The following SWAP70 variants were observed in gnomAD, a reference collection of about 807,000 sequenced individuals.
The protein encoded by SWAP70 is switching B cell complex subunit SWAP70.
A neutral mutation model predicts 80.2 loss-of-function variants in SWAP70; 34 were observed. The observed-to-expected ratio is 0.42, with a 90% CI of 0.32 to 0.56. The LOEUF (loss-of-function observed/expected upper bound fraction) is 0.56, where lower values mean the gene tolerates loss of function less well. Ranked by LOEUF, SWAP70 falls within the 20% of genes least tolerant of loss-of-function variation. SWAP70 has a pLI of 0.09. For missense variants in SWAP70, 578 were observed against 690.7 expected, an observed-to-expected ratio of 0.84 and a Z score of 1.83; for synonymous variants, 239 against 238.5, an observed-to-expected ratio of 1.00 and a Z score of -0.02.
chr11:9,675,603 C>A (rs1482497299), intron 1 of SWAP70, among the ~76,000 whole-genome samples: 1 of 151,866 alleles, frequency 6.6e-6, no homozygotes, highest in Admixed American at 6.6e-5. Flanking sequence ...TAAATAAGGT[C>A]ATTGCAGGTC....
chr11:9,672,530 ATTTTTT>A (rs58704706), intron 1 of SWAP70, among the ~76,000 whole-genome samples: 4 of 88,398 alleles, frequency 4.5e-5, no homozygotes, highest in Admixed American at 1.4e-4. Flanking sequence ...CACCTGGCTA[ATTTTTT>A]TTTTTTTTTT....
chr11:9,668,814 T>A (rs1405171675), intron 1 of SWAP70, among the ~76,000 whole-genome samples: 1 of 152,228 alleles, frequency 6.6e-6, no homozygotes, highest in East Asian at 1.9e-4. Flanking sequence ...CTTTTTGAGT[T>A]ATCTTCACAA....
chr11:9,690,813 T>C (rs1447724798), intron 1 of SWAP70, among the ~76,000 whole-genome samples: 1 of 152,190 alleles, frequency 6.6e-6, no homozygotes, highest in Non-Finnish European at 1.5e-5. Context: ...TAAAAAGTTT[T>C]AAAGATAGTA....
chr11:9,687,405 A>C (rs1490422275), intron 1 of SWAP70, among the ~76,000 whole-genome samples: 2 of 152,182 alleles, frequency 1.3e-5, no homozygotes, highest in Non-Finnish European at 2.9e-5. Flanking sequence ...ATTAGTGATT[A>C]GTTTCTTTTG....
At chr11:9,673,940 C>A (rs1221558283) in intron 1 of SWAP70, among the ~76,000 whole-genome samples, 3 of 152,136 alleles carry the variant, frequency 2.0e-5, no homozygotes, top group Non-Finnish European at 2.9e-5. Flanking sequence ...CGCTCTGTCG[C>A]CCAGGCTGGA....
intron 1 of SWAP70, among the ~76,000 whole-genome samples, chr11:9,686,521 G>A (rs1336532380): frequency 1.3e-5 from 2 of 151,566 alleles, no homozygotes; most frequent in African/African-American, 4.9e-5. Flanking sequence ...GCTAATTTTT[G>A]TATTTTTTGT....
At position 9,740,364 on chromosome 11, in the gene SWAP70, C is replaced by T. The variant is rs1194472121; in HGVS notation, c.1355+17C>T. On this transcript the variant is annotated intron_variant, in intron 9 of 11. Coordinates refer to ENST00000318950, the MANE Select transcript of SWAP70 (RefSeq NM_015055.4). ...TCAGGCCAGGTGCCAGATTTGTTTG[C>T]AGACTTTGCCTTTATGTACTTTGCC... is the stretch of plus-strand genomic sequence containing the variant. 3.7e-6 allele frequency: 6 copies of T among 1,613,784 alleles called. No homozygotes were observed. Among genetic ancestry groups the T allele is most frequent in the Non-Finnish European group, 4.2e-6 (5 of 1,179,774 alleles).
intron 1 of SWAP70, among the ~76,000 whole-genome samples, chr11:9,667,912 G>C (rs749790802): frequency 6.6e-6 from 1 of 151,118 alleles, no homozygotes; most frequent in Non-Finnish European, 1.5e-5. Flanking sequence ...TTTTTGAGAC[G>C]GAGTGTCGCT....
intron 9 of SWAP70, among the ~76,000 whole-genome samples, chr11:9,745,032 A>G (rs1190739695): frequency 6.6e-6 from 1 of 152,166 alleles, no homozygotes; most frequent in African/African-American, 2.4e-5. Context: ...ATTCCCAGCA[A>G]CTCGTACCTG....
rs138976480 is a variant in SWAP70 at position 9,740,539 on chromosome 11, G to T, written c.1355+192G>T. 9.5e-6 allele frequency: 6 copies of T among 632,682 alleles called. No homozygotes were observed. The African/African-American group carries it at 1.1e-4, about 12-fold the overall frequency. 39.2% of individuals were successfully genotyped at this position (632,682 alleles called of 1,614,324 possible). On this transcript the variant is annotated intron_variant, in intron 9 of 11. Transcript: ENST00000318950. The stretch of plus-strand genomic sequence containing the variant: ...GGAGTGTTTCTTTTCATTCTGAGGC[G>T]CTGGGAAACCCTTGCTTCTGGGGCT...
At chr11:9,747,823 C>T (rs1276163264) in intron 9 of SWAP70, 35 bp from the exon 10 acceptor site, 10 of 1,607,624 alleles carry the variant, frequency 6.2e-6, no homozygotes, top group Non-Finnish European at 7.7e-6. Flanking sequence ...GTGACCTGGG[C>T]AGGATTTGAT....
chr11:9,722,213 C>T (rs1173308236), intron 3 of SWAP70, among the ~76,000 whole-genome samples: 1 of 150,622 alleles, frequency 6.6e-6, no homozygotes, highest in African/African-American at 2.4e-5. Flanking sequence ...TTATTATGCC[C>T]ATTTCATAGA....
chr11:9,712,020 C>T (rs567364794), intron 2 of SWAP70, among the ~76,000 whole-genome samples: 3 of 152,164 alleles, frequency 2.0e-5, no homozygotes, highest in Non-Finnish European at 4.4e-5. Flanking sequence ...TTATCCCATT[C>T]TTGATCTGTT....
intron 9 of SWAP70, among the ~76,000 whole-genome samples, chr11:9,746,267 T>G (rs187606105): frequency 1.3e-5 from 2 of 152,232 alleles, no homozygotes; most frequent in African/African-American, 4.8e-5. Flanking sequence ...CTACCTTCCA[T>G]CAAGTCTTCT....
chr11:9,697,732 G>A (rs1850776513), intron 2 of SWAP70, among the ~76,000 whole-genome samples: 1 of 151,944 alleles, frequency 6.6e-6, no homozygotes, highest in Non-Finnish European at 1.5e-5. Flanking sequence ...ATCTTTCTTT[G>A]TGTGTATGCA....
chr11:9,740,331 C>G lies in SWAP70; in HGVS notation c.1339C>G (p.Arg447Gly). The G allele has an allele frequency of 6.2e-7, 1 of 1,614,136 alleles. No homozygotes were observed. The highest frequency in any genetic ancestry group is 8.5e-7 in the Non-Finnish European group (1 of 1,179,996). ...RQARQDEETV[R>G]KLQARLLEEE... is the part of the protein sequence containing the mutation. ...GGCCCGGCAAGATGAAGAGACAGTG[C>G]GGAAGCTTCAGGCCAGGTGCCAGAT... Residue 447 changes from arginine (R) to glycine (G), a missense_variant, in exon 9 of 12, where the codon CGG (arginine) becomes GGG (glycine). Transcript: ENST00000318950.
At chr11:9,737,622 G>C (rs1013333271) in intron 7 of SWAP70, among the ~76,000 whole-genome samples, 3 of 152,196 alleles carry the variant, frequency 2.0e-5, no homozygotes, top group Non-Finnish European at 4.4e-5. Flanking sequence ...ATGTGGCTGG[G>C]CATGGTGGCT....
chr11:9,733,105 C>G (rs1851321422), intron 7 of SWAP70, among the ~76,000 whole-genome samples: 1 of 152,006 alleles, frequency 6.6e-6, no homozygotes, highest in South Asian at 2.1e-4. Context: ...CTTGGAAGAC[C>G]CTTACTTTAG....
chr11:9,732,390 T>C, intron 6 of SWAP70, 139 bp from the exon 7 acceptor site: 2 of 873,788 alleles, frequency 2.3e-6, no homozygotes, highest in Non-Finnish European at 3.6e-6. Flanking sequence ...CACACCACTA[T>C]GGAGTGACAA....
Sources: allele counts gnomAD v4.1 joint callset (sites outside exome capture counted in the v4.1 genomes callset), GRCh38; gene constraint gnomAD v4.1.1; transcripts MANE v1.5; gene names NCBI Gene and HGNC (gene_info 2026-07-23, HGNC 2026-07-21).